Variants in GPATCH11 observed in about 807,000 individuals in gnomAD.
GPATCH11 encodes the protein G-patch domain containing 11.
In GPATCH11, 32 loss-of-function variants were observed where a neutral mutation model predicts 44.8. The observed-to-expected ratio is 0.71, with a 90% CI of 0.54 to 0.96. The LOEUF is 0.96. Among genes scored for constraint, GPATCH11 ranks in the 40% least tolerant of loss-of-function variants. GPATCH11 has a pLI of 0.00. For missense variants in GPATCH11, 324 were observed against 303.1 expected (o/e 1.07, Z -0.51); for synonymous variants, 84 against 94.4 (o/e 0.89, Z 0.64).
chr2:37,089,885 T>TA lies in GPATCH11; in HGVS notation c.286+22dup, dbSNP rs75236793. The TA allele has an allele frequency of 1.9e-4, 280 of 1,495,798 alleles. 4 individuals are homozygous for TA. In the East Asian group the frequency reaches 4.3e-3, roughly 23 times the overall value. The allele number at this position is 1,495,798 out of a possible 1,614,324, so 92.7% of individuals were successfully genotyped here. A position where few individuals can be genotyped will look rare whatever the true frequency, so the allele number is the denominator to read the frequency against. On this transcript the variant is annotated intron_variant, in intron 3 of 8. Transcript: ENST00000674370. ...AAGAGTGGTAAGTCACATGTGGAAA[T>TA]AAACAGGTATTCCTTACCACCTAAT...
intron 8 of GPATCH11, among the ~76,000 whole-genome samples, chr2:37,095,979 C>G (rs1224772624): frequency 6.6e-6 from 1 of 152,060 alleles, no homozygotes; most frequent in African/African-American, 2.4e-5. Context: ...TCTTACAGAG[C>G]CAAGTGTTTC....
At chr2:37,092,082 G>A in intron 5 of GPATCH11, 46 bp downstream of exon 5, 1 of 1,607,490 alleles carries the variant, frequency 6.2e-7, no homozygotes, top group Non-Finnish European at 8.5e-7. Flanking sequence ...CCTCTTTATT[G>A]TGGTATGTTC....
chr2:37,095,539 T>G lies in GPATCH11; in HGVS notation c.736+21T>G, dbSNP rs1275523301. Reference sequence around the variant, plus strand: ...TGAAGGTAAGAAAATTACTTTATGCTTTTTAAAAATAGATGAATGCTCTCC... The same window carrying G: ...TGAAGGTAAGAAAATTACTTTATGCGTTTTAAAAATAGATGAATGCTCTCC... On this transcript the variant is annotated intron_variant, in intron 8 of 8. Coordinates refer to ENST00000674370, the MANE Select transcript of GPATCH11 (RefSeq NM_174931.4). 5.1e-6 allele frequency: 8 copies of G among 1,557,644 alleles called. No homozygotes were observed. In the Admixed American group the frequency reaches 1.7e-4, roughly 33 times the overall value.
rs180730849 is a variant in GPATCH11, at chr2:37,093,292, T to G, written c.541-790T>G. ...GCAGGATTGCTTGAGTCCAGGAGTTTGTGACCAGCCTGGACAACATAGCAA... is the reference window on the plus strand; with the variant it reads ...GCAGGATTGCTTGAGTCCAGGAGTTGGTGACCAGCCTGGACAACATAGCAA... On this transcript the variant is annotated intron_variant, in intron 6 of 8. Transcript: ENST00000674370. 2.7e-3 allele frequency among the ~76,000 whole-genome samples: 408 copies of G among 152,222 alleles called. 3 individuals carry two copies. In the South Asian group the frequency reaches 0.039, roughly 15 times the overall value.
intron 3 of GPATCH11, among the ~76,000 whole-genome samples, chr2:37,090,108 T>G (rs1292997282): frequency 6.6e-6 from 1 of 152,194 alleles, no homozygotes; most frequent in African/African-American, 2.4e-5. Context: ...ACTAACAACC[T>G]AGATGGATGT....
At chr2:37,085,493 G>C (rs574802335) in intron 1 of GPATCH11, among the ~76,000 whole-genome samples, 1 of 152,168 alleles carries the variant, frequency 6.6e-6, no homozygotes, top group Non-Finnish European at 1.5e-5. Context: ...GTATATAATA[G>C]TGCACGTTTT....
intron 1 of GPATCH11, among the ~76,000 whole-genome samples, chr2:37,086,233 ATGTT>A (rs1673036789): frequency 6.6e-6 from 1 of 152,220 alleles, no homozygotes; most frequent in Non-Finnish European, 1.5e-5. Context: ...GGTTACAAGA[ATGTT>A]TGACTCACAG....
At chr2:37,089,305 G>A (rs1673192430) in intron 2 of GPATCH11, among the ~76,000 whole-genome samples, 1 of 152,136 alleles carries the variant, frequency 6.6e-6, no homozygotes, top group African/African-American at 2.4e-5. Context: ...GGAAGCTCAC[G>A]CCTGTAATCC....
chr2:37,090,259 C>G (rs1393575243), intron 3 of GPATCH11, among the ~76,000 whole-genome samples: 1 of 152,182 alleles, frequency 6.6e-6, no homozygotes, highest in Non-Finnish European at 1.5e-5. Context: ...TCTGAATGAC[C>G]GTCCAGTTGG....
chr2:37,088,269 T>C, intron 1 of GPATCH11, 100 bp from the exon 2 acceptor site: 1 of 505,514 alleles, frequency 2.0e-6, no homozygotes, highest in East Asian at 3.2e-5. Flanking sequence ...CACTTGAATA[T>C]ATAGTAGAGC....
intron 2 of GPATCH11, 77 bp downstream of exon 2, chr2:37,088,517 T>C: frequency 1.3e-6 from 1 of 766,554 alleles, no homozygotes; most frequent in Non-Finnish European, 2.1e-6. Context: ...TTTTATTTTA[T>C]TTTATTTTAT....
chr2:37,084,714 G>A (rs367928922), intron 1 of GPATCH11, 144 bp downstream of exon 1: 3 of 565,896 alleles, frequency 5.3e-6, no homozygotes, highest in South Asian at 1.9e-4. Context: ...GCAGCCAGGA[G>A]GAACGCGTGA....
intron 1 of GPATCH11, among the ~76,000 whole-genome samples, chr2:37,087,155 G>A (rs1673088345): frequency 6.6e-6 from 1 of 152,164 alleles, no homozygotes; most frequent in Admixed American, 6.5e-5. Flanking sequence ...TAAGGAAAAA[G>A]ATGGTTATTT....
chr2:37,091,883 G>C, intron 4 of GPATCH11, 33 bp from the exon 5 acceptor site: 2 of 1,595,916 alleles, frequency 1.3e-6, no homozygotes, highest in Non-Finnish European at 1.7e-6. Context: ...ACAAAGTCAG[G>C]ATGTTTCTCA....
At chr2:37,087,863 G>C (rs1438471652) in intron 1 of GPATCH11, among the ~76,000 whole-genome samples, 2 of 152,140 alleles carry the variant, frequency 1.3e-5, no homozygotes, top group African/African-American at 4.8e-5. Flanking sequence ...CTGCCTACAG[G>C]GTCAGGTTTA....
intron 7 of GPATCH11, 31 bp from the exon 8 acceptor site, chr2:37,095,406 A>G (rs764707250): frequency 6.3e-7 from 1 of 1,581,420 alleles, no homozygotes; most frequent in Non-Finnish European, 8.6e-7. Context: ...TGTTCAATGT[A>G]AAGTATTAAT....
Position 37,089,992 on chromosome 2 carries a change from A to G in GPATCH11, c.286+126A>G, listed in dbSNP as rs116397577. On this transcript the variant is annotated intron_variant, in intron 3 of 8. Transcript: ENST00000674370. ...TATAACAACTTAGGCTTTTTAGTCTATTATGTATTAACAAGCCTTATGGAG... is the reference window on the plus strand; with the variant it reads ...TATAACAACTTAGGCTTTTTAGTCTGTTATGTATTAACAAGCCTTATGGAG... 808 of 705,476 alleles carry G rather than the reference A, an allele frequency of 1.1e-3. 8 individuals carry two copies. The African/African-American group carries it at 0.013, about 11-fold the overall frequency. The allele number at this position is 705,476 out of a possible 1,614,324, so 43.7% of individuals were successfully genotyped here.
At chr2:37,092,423 A>G (rs1330287188) in intron 6 of GPATCH11, among the ~76,000 whole-genome samples, 168 bp downstream of exon 6, 2 of 145,316 alleles carry the variant, frequency 1.4e-5, no homozygotes, top group Non-Finnish European at 1.5e-5. Context: ...ATATATATTT[A>G]TATATTTTTT....
chr2:37,094,403 G>T lies in GPATCH11; in HGVS notation c.654+208G>T. The T allele has an allele frequency of 6.9e-6, 3 of 436,458 alleles. No homozygotes were observed. The South Asian group carries it at 9.4e-5, about 14-fold the overall frequency. The allele number at this position is 436,458 out of a possible 1,614,324, so 27.0% of individuals were successfully genotyped here. ...AGACATTGCTAAATGTCCCCGAGGG[G>T]AAAAATAACCCCTGGTTGAGAGGTA... is the stretch of plus-strand genomic sequence containing the variant. On this transcript the variant is annotated intron_variant, in intron 7 of 8. Coordinates refer to ENST00000674370, the MANE Select transcript of GPATCH11 (RefSeq NM_174931.4).
Sources: gnomAD v4.1 joint callset for allele counts (sites outside exome capture counted in the v4.1 genomes callset) on GRCh38, gnomAD v4.1.1 for gene constraint, MANE v1.5 for transcripts, NCBI Gene and HGNC (gene_info 2026-07-23, HGNC 2026-07-21) for gene names.